Variants in DTNBP1 observed in about 807,000 individuals in gnomAD.
The protein encoded by DTNBP1 is dysbindin.
Under a neutral mutation model 42.8 loss-of-function variants are expected in DTNBP1, and 35 were observed. The observed-to-expected ratio is 0.82, with a 90% confidence interval of 0.63 to 1.09. DTNBP1 has a LOEUF of 1.09. Ranked by LOEUF, DTNBP1 falls within the 50% of genes least tolerant of loss-of-function variation. DTNBP1 has a pLI of 0.00. For synonymous variants in DTNBP1, 171 were observed against 162.2 expected (o/e 1.05, Z -0.41); for missense variants, 457 against 424.2 (o/e 1.08, Z -0.68).
At chr6:15,592,319 T>C (rs1046644225) in intron 7 of DTNBP1, among the ~76,000 whole-genome samples, 4 of 152,244 alleles carry the variant, frequency 2.6e-5, no homozygotes, top group Non-Finnish European at 5.9e-5. Flanking sequence ...TTCTCAGTTA[T>C]TGAAATGAAT....
At chr6:15,659,511 GTTTTTTCA>G (rs1410322616) in intron 1 of DTNBP1, among the ~76,000 whole-genome samples, 2 of 150,168 alleles carry the variant, frequency 1.3e-5, no homozygotes, top group African/African-American at 4.9e-5. Flanking sequence ...CCAGGGCCAT[GTTTTTTCA>G]TTTTTTCTTT....
chr6:15,612,105 T>C (rs1026796733), intron 6 of DTNBP1, among the ~76,000 whole-genome samples: 1 of 152,208 alleles, frequency 6.6e-6, no homozygotes, highest in Non-Finnish European at 1.5e-5. Flanking sequence ...TTCATTGTTA[T>C]CTTATTTTAA....
intron 7 of DTNBP1, among the ~76,000 whole-genome samples, chr6:15,573,777 G>A (rs1470456402): frequency 1.3e-5 from 2 of 152,042 alleles, no homozygotes; most frequent in South Asian, 2.1e-4. Flanking sequence ...GTGCGATCTC[G>A]GCTGACTGCA....
chr6:15,566,158 CA>C (rs1775065376), intron 7 of DTNBP1, among the ~76,000 whole-genome samples: 1 of 151,412 alleles, frequency 6.6e-6, no homozygotes, highest in African/African-American at 2.4e-5. Flanking sequence ...ACTAAAAATA[CA>C]AAAAAATTAG....
chr6:15,607,590 C>A (rs144772457), intron 6 of DTNBP1, among the ~76,000 whole-genome samples: 3 of 152,344 alleles, frequency 2.0e-5, no homozygotes, highest in Non-Finnish European at 4.4e-5. Context: ...GTGTGAGCCA[C>A]CGTGCCCAGC....
chr6:15,553,594 C>CTTTTTTTTTTTTTTTTTTTTT lies in DTNBP1; in HGVS notation c.512-20200_512-20199insAAAAAAAAAAAAAAAAAAAAA, dbSNP rs56173414. Among the ~76,000 whole-genome samples the CTTTTTTTTTTTTTTTTTTTTT allele has an allele frequency of 1.5e-4, 11 of 72,944 alleles. 1 individual carries two copies. The highest frequency in any genetic ancestry group is 1.9e-4 in the Admixed American group (1 of 5,254). The allele number at this position is 72,944 out of a possible 152,430, so 47.9% of individuals were successfully genotyped here. On this transcript the variant is annotated intron_variant, in intron 7 of 9. Transcript: ENST00000344537. ...CAGTTCAATGCTCTTGACAAGTGAG[C>CTTTTTTTTTTTTTTTTTTTTT]TTTTTTTTTTTTGGCCTCAGACAGC...
intron 7 of DTNBP1, among the ~76,000 whole-genome samples, chr6:15,550,527 G>A (rs1268137110): frequency 6.6e-6 from 1 of 152,128 alleles, no homozygotes; most frequent in East Asian, 1.9e-4. Context: ...GCCACCAGTT[G>A]GAAATATCCT....
chr6:15,589,534 A>G (rs1209563796), intron 7 of DTNBP1, among the ~76,000 whole-genome samples: 1 of 152,082 alleles, frequency 6.6e-6, no homozygotes. Flanking sequence ...CCCATCTTAC[A>G]TGTCTTCCCA....
At chr6:15,656,529 C>T (rs895754577) in intron 1 of DTNBP1, among the ~76,000 whole-genome samples, 1 of 152,092 alleles carries the variant, frequency 6.6e-6, no homozygotes, top group Non-Finnish European at 1.5e-5. Flanking sequence ...ACTGCTTAGA[C>T]AAAAAGTGTA....
rs769571812 is a variant in DTNBP1 at position 15,662,988 on chromosome 6, C to T, written c.-119G>A. The T allele has an allele frequency of 4.6e-5, 65 of 1,413,904 alleles. No homozygotes were observed. The East Asian group carries it at 1.5e-3, about 33-fold the overall frequency. The allele number at this position is 1,413,904 out of a possible 1,614,324, so 87.6% of individuals were successfully genotyped here. A position where few individuals can be genotyped will look rare whatever the true frequency, so the allele number is the denominator to read the frequency against. The stretch of plus-strand genomic sequence containing the variant: ...GCGCGCCCCGCACTCCCACTACCGG[C>T]CCCGCCCCCGGTCTGGTCCTCGCCG... On this transcript the variant is annotated 5_prime_UTR_variant, in exon 1 of 10. Coordinates refer to ENST00000344537, the MANE Select transcript of DTNBP1 (RefSeq NM_032122.5).
intron 5 of DTNBP1, among the ~76,000 whole-genome samples, chr6:15,620,425 C>T (rs773989501): frequency 2.0e-5 from 3 of 151,996 alleles, no homozygotes; most frequent in Admixed American, 1.3e-4. Flanking sequence ...TGGGCTTGAG[C>T]GATCTTCCTG....
At chr6:15,652,680 T>G (rs1419944121) in intron 1 of DTNBP1, among the ~76,000 whole-genome samples, 1 of 151,986 alleles carries the variant, frequency 6.6e-6, no homozygotes, top group African/African-American at 2.4e-5. Context: ...CAGGCTAGAG[T>G]ATAGTGGTGC....
In DTNBP1 at chr6:15,567,618, AT is replaced by A. The variant is rs777032254; in HGVS notation, c.511+25440del. Among the ~76,000 whole-genome samples the A allele has an allele frequency of 1.5e-3, 222 of 152,310 alleles. 2 individuals carry two copies. Among genetic ancestry groups the A allele is most frequent in the Non-Finnish European group, 3.5e-4 (24 of 68,028 alleles). On this transcript the variant is annotated intron_variant, in intron 7 of 9. Transcript: ENST00000344537. ...TGACCTGTAAGCCCCCTCGCTTCAC[AT>A]TGTCCCATCTTTCTGGATCAAACCA...
At chr6:15,531,924 G>T (rs1251320327) in intron 8 of DTNBP1, among the ~76,000 whole-genome samples, 1 of 152,210 alleles carries the variant, frequency 6.6e-6, no homozygotes, top group Non-Finnish European at 1.5e-5. Context: ...ATGCCACTGC[G>T]CCTGGCCTCA....
At chr6:15,560,316 A>G (rs1411336651) in intron 7 of DTNBP1, among the ~76,000 whole-genome samples, 1 of 152,058 alleles carries the variant, frequency 6.6e-6, no homozygotes, top group Admixed American at 6.5e-5. Flanking sequence ...AAAAAAAAAA[A>G]GTGTTTGAGC....
At chr6:15,595,931 A>C (rs901022869) in intron 6 of DTNBP1, among the ~76,000 whole-genome samples, 5 of 152,242 alleles carry the variant, frequency 3.3e-5, no homozygotes, top group African/African-American at 4.8e-5. Flanking sequence ...TATTTTTAGC[A>C]GGAGAATAAC....
intron 7 of DTNBP1, among the ~76,000 whole-genome samples, chr6:15,578,070 G>C (rs776004204): frequency 1.3e-5 from 2 of 152,252 alleles, no homozygotes; most frequent in Non-Finnish European, 2.9e-5. Context: ...GTGCAGAAGA[G>C]AGAGGACAAC....
At position 15,662,680 on chromosome 6, in the gene DTNBP1, CGGCGG is replaced by C. The variant is rs577520812; in HGVS notation, c.56+129_56+133del. On this transcript the variant is annotated intron_variant, in intron 1 of 9. Coordinates refer to ENST00000344537, the MANE Select transcript of DTNBP1 (RefSeq NM_032122.5). ...ACGCCGGGAAGTTCGTTACTTTCCT[CGGCGG>C]GGCGGGGCGGGGAGGTGCGGGACAG... 3.3e-4 allele frequency: 432 copies of C among 1,292,404 alleles called. 3 individuals carry two copies. In the African/African-American group the frequency reaches 5.4e-3, roughly 16 times the overall value. The allele number at this position is 1,292,404 out of a possible 1,614,324, so 80.1% of individuals were successfully genotyped here.
intron 8 of DTNBP1, among the ~76,000 whole-genome samples, chr6:15,526,386 C>T (rs752743320): frequency 1.5e-4 from 23 of 152,200 alleles, no homozygotes; most frequent in Admixed American, 9.2e-4. Context: ...AGAGCCACAG[C>T]GACGTGAGAT....
Sources: gnomAD v4.1 joint callset for allele counts (sites outside exome capture counted in the v4.1 genomes callset) on GRCh38, gnomAD v4.1.1 for gene constraint, MANE v1.5 for transcripts, NCBI Gene and HGNC (gene_info 2026-07-23, HGNC 2026-07-21) for gene names.